ZZZ3: variants seen among roughly 807,000 people sequenced by gnomAD.
ZZZ3 encodes the protein ZZ-type zinc finger-containing protein 3.
In ZZZ3, 22 loss-of-function variants were observed where a neutral mutation model predicts 95.2. That is an observed-to-expected ratio of 0.23 (90% CI 0.17 to 0.33). ZZZ3 has a LOEUF of 0.33. ZZZ3 is among the 10% of genes least tolerant of loss of function. ZZZ3 has a pLI of 1.00. For missense variants in ZZZ3, 885 were observed against 1,066.5 expected (o/e 0.83, Z 2.37); for synonymous variants, 335 against 358.9 (o/e 0.93, Z 0.75).
Position 77,600,356 on chromosome 1 carries a change from C to T in ZZZ3, c.1506-15701G>A, listed in dbSNP as rs570262050. Reference sequence around the variant, plus strand: ...CCATTTATTCATTAATTCATTTTTACCTATTAAGCTAAGGTACGGTACTAA... The same window carrying T: ...CCATTTATTCATTAATTCATTTTTATCTATTAAGCTAAGGTACGGTACTAA... On this transcript the variant is annotated intron_variant, in intron 5 of 14. Transcript: ENST00000370801. Among the ~76,000 whole-genome samples, 3 of 152,194 alleles carry T rather than the reference C, an allele frequency of 2.0e-5. No homozygotes were observed. The South Asian group carries it at 6.2e-4, about 32-fold the overall frequency.
chr1:77,675,782 T>C (rs917166981), intron 1 of ZZZ3, among the ~76,000 whole-genome samples: 6 of 152,204 alleles, frequency 3.9e-5, no homozygotes, highest in African/African-American at 1.2e-4. Flanking sequence ...ATACCTTTTT[T>C]CAATTATTTT....
chr1:77,580,261 C>T (rs1367185570), intron 9 of ZZZ3: 1 of 152,166 alleles, frequency 6.6e-6, no homozygotes, highest in Admixed American at 6.5e-5. Context: ...GTGCCTCAAA[C>T]TTCACCCACT....
intron 6 of ZZZ3, 86 bp downstream of exon 6, chr1:77,584,431 T>G: frequency 7.3e-7 from 1 of 1,363,530 alleles, no homozygotes; most frequent in Non-Finnish European, 9.8e-7. Flanking sequence ...TTAAAAAGTA[T>G]ATACCCATAA....
At chr1:77,624,490 A>AG (rs1667161183) in intron 5 of ZZZ3, among the ~76,000 whole-genome samples, 1 of 31,524 alleles carries the variant, frequency 3.2e-5, no homozygotes, top group Admixed American at 6.5e-4. Context: ...AAAAACCCCT[A>AG]AAAGACAAAG....
intron 1 of ZZZ3, among the ~76,000 whole-genome samples, chr1:77,670,653 G>C (rs761679386): frequency 2.6e-5 from 4 of 151,832 alleles, no homozygotes; most frequent in Non-Finnish European, 5.9e-5. Flanking sequence ...GCAACAAAGA[G>C]TTTGGATGGA....
In ZZZ3 at chr1:77,632,425, A is replaced by T; in HGVS notation, c.930T>A (p.Ser310=). 6.2e-7 allele frequency: 1 copy of T among 1,614,148 alleles called. No individual in the cohort carries two copies. Among genetic ancestry groups the T allele is most frequent in the Non-Finnish European group, 8.5e-7 (1 of 1,180,008 alleles). The change falls in exon 5 of 15, where the codon TCT becomes TCA. Residue 310 remains serine, a synonymous_variant. Coordinates refer to ENST00000370801, the MANE Select transcript of ZZZ3 (RefSeq NM_015534.6). ...CTACTTCCTCCTCAGAATCCCTTAA[A>T]GATGACTGAGTTTCAGAAAAGGGCC... ...ATGPFSETQS[S]LRDSEEEVDV... is the part of the protein sequence containing the mutation.
intron 5 of ZZZ3, 113 bp from the exon 6 acceptor site, chr1:77,584,768 T>C: frequency 1.3e-6 from 1 of 748,468 alleles, no homozygotes; most frequent in Non-Finnish European, 1.9e-6. Flanking sequence ...AAGAGTTACC[T>C]GAAAGAGTTT....
intron 1 of ZZZ3, among the ~76,000 whole-genome samples, chr1:77,673,165 G>A (rs1171206626): frequency 6.6e-6 from 1 of 152,108 alleles, no homozygotes; most frequent in African/African-American, 2.4e-5. Context: ...TATCATCCAG[G>A]CATATCATAA....
chr1:77,674,746 G>A (rs1672102971), intron 1 of ZZZ3, among the ~76,000 whole-genome samples: 2 of 152,008 alleles, frequency 1.3e-5, no homozygotes, highest in African/African-American at 4.8e-5. Context: ...GAGGTCAGGA[G>A]TTCAAAACCA....
chr1:77,639,018 C>T (rs984262859), intron 4 of ZZZ3, among the ~76,000 whole-genome samples: 3 of 152,054 alleles, frequency 2.0e-5, no homozygotes, highest in South Asian at 2.1e-4. Flanking sequence ...CATAAAGAGA[C>T]TTCTTATTTC....
intron 12 of ZZZ3, among the ~76,000 whole-genome samples, chr1:77,573,253 G>A (rs916289326): frequency 4.0e-5 from 6 of 151,528 alleles, no homozygotes; most frequent in South Asian, 2.1e-4. Flanking sequence ...CTGAGTAGCT[G>A]AGATTACAGG....
At chr1:77,682,883 A>G (rs1392740895), upstream of ZZZ3, among the ~76,000 whole-genome samples, 1 of 151,562 alleles carries the variant, frequency 6.6e-6, no homozygotes, top group Non-Finnish European at 1.5e-5. Context: ...AATCTTAAAA[A>G]CCTCCGATTA....
Position 77,680,677 on chromosome 1 carries a change from C to CT in ZZZ3, c.-403+1907dup, listed in dbSNP as rs566823029. On this transcript the variant is annotated intron_variant, in intron 1 of 14. Transcript: ENST00000370801. Reference sequence around the variant, plus strand: ...CTTTGTTTGTACTAACTACTAATGTCTACCACTCTCCAATTGAGATCACTA... The same window carrying CT: ...CTTTGTTTGTACTAACTACTAATGTCTTACCACTCTCCAATTGAGATCACTA... Among the ~76,000 whole-genome samples, 3 of 152,182 alleles carry CT rather than the reference C, an allele frequency of 2.0e-5. No homozygotes were observed. The South Asian group carries it at 6.2e-4, about 31-fold the overall frequency.
At chr1:77,672,049 A>T (rs959594316) in intron 1 of ZZZ3, among the ~76,000 whole-genome samples, 1 of 152,238 alleles carries the variant, frequency 6.6e-6, no homozygotes, top group Non-Finnish European at 1.5e-5. Context: ...CAGGATACTC[A>T]AAAGGGCACA....
intron 5 of ZZZ3, among the ~76,000 whole-genome samples, chr1:77,615,334 C>A (rs373230274): frequency 3.6e-4 from 55 of 152,314 alleles, no homozygotes; most frequent in African/African-American, 1.3e-3. Flanking sequence ...AATATCCACA[C>A]AATATTCTGA....
intron 5 of ZZZ3, among the ~76,000 whole-genome samples, chr1:77,622,464 C>T (rs995218866): frequency 6.7e-6 from 1 of 148,334 alleles, no homozygotes; most frequent in African/African-American, 2.5e-5. Context: ...AAATACTTTA[C>T]ATTTAAATTT....
chr1:77,588,064 G>A (rs1470477705), intron 5 of ZZZ3, among the ~76,000 whole-genome samples: 1 of 152,186 alleles, frequency 6.6e-6, no homozygotes, highest in Admixed American at 6.5e-5. Context: ...TGGGTCAACA[G>A]TAGGCTATTA....
chr1:77,645,865 GGAGGCT>G (rs1156798213), intron 1 of ZZZ3, among the ~76,000 whole-genome samples: 36 of 151,698 alleles, frequency 2.4e-4, no homozygotes, highest in Non-Finnish European at 1.0e-4. Flanking sequence ...CAGCTACTCG[GGAGGCT>G]GAGGCAGAAG....
intron 5 of ZZZ3, among the ~76,000 whole-genome samples, chr1:77,630,189 T>C (rs1274087466): frequency 6.6e-6 from 1 of 152,264 alleles, no homozygotes; most frequent in East Asian, 1.9e-4. Context: ...TAAAAACTGA[T>C]ACTAGGCCAG....
Sources: gnomAD v4.1 joint callset for allele counts (sites outside exome capture counted in the v4.1 genomes callset) on GRCh38, gnomAD v4.1.1 for gene constraint, MANE v1.5 for transcripts, NCBI Gene and HGNC (gene_info 2026-07-23, HGNC 2026-07-21) for gene names.